PRKN: variants seen among roughly 807,000 people sequenced by gnomAD.
PRKN encodes parkin RBR E3 ubiquitin protein ligase.
PRKN carries 56 observed loss-of-function variants against 59.5 expected under a neutral mutation model. The observed-to-expected ratio is 0.94, with a 90% CI of 0.76 to 1.18. The LOEUF is 1.18. Ranked by LOEUF, PRKN falls within the 50% of genes most tolerant of loss-of-function variation. The pLI, the probability that PRKN is intolerant of heterozygous loss-of-function variation, is 0.00. For synonymous variants in PRKN, 250 were observed against 222.1 expected, an observed-to-expected ratio of 1.13 and a Z score of -1.12; for missense variants, 657 against 596.4, an observed-to-expected ratio of 1.10 and a Z score of -1.06.
At position 162,247,579 on chromosome 6, in the gene PRKN, T is replaced by G. The variant is rs189155896; in HGVS notation, c.412+14946A>C. On this transcript the variant is annotated intron_variant, in intron 3 of 11. Coordinates refer to ENST00000366898, the MANE Select transcript of PRKN (RefSeq NM_004562.3). ...TCATAAAACCTATATTTCCAATGCA[T>G]TAATGCAAAATTAAAAGTAGTCTTT... Among the ~76,000 whole-genome samples, 752 of 152,310 alleles carry G rather than the reference T, an allele frequency of 4.9e-3. 4 individuals are homozygous for G. Among genetic ancestry groups the G allele is most frequent in the African/African-American group, 0.016 (674 of 41,586 alleles).
At chr6:162,090,353 A>G (rs1179098148) in intron 4 of PRKN, among the ~76,000 whole-genome samples, 4 of 152,188 alleles carry the variant, frequency 2.6e-5, no homozygotes, top group Admixed American at 6.6e-5. Context: ...TTCTGTTTAC[A>G]TTTTATTTTA....
At chr6:162,520,441 T>A (rs1778040039) in intron 1 of PRKN, among the ~76,000 whole-genome samples, 1 of 152,144 alleles carries the variant, frequency 6.6e-6, no homozygotes, top group Non-Finnish European at 1.5e-5. Context: ...AGATCTCCCC[T>A]CCCAACTCCT....
intron 6 of PRKN, among the ~76,000 whole-genome samples, chr6:161,838,843 C>A (rs1792867069): frequency 1.3e-5 from 2 of 152,192 alleles, no homozygotes; most frequent in Admixed American, 6.5e-5. Flanking sequence ...TTGACAAGAG[C>A]AAGGACCGAG....
intron 7 of PRKN, among the ~76,000 whole-genome samples, chr6:161,752,836 C>T (rs1788752973): frequency 6.6e-6 from 1 of 152,088 alleles, no homozygotes; most frequent in Admixed American, 6.6e-5. Context: ...AGTGGTGGCC[C>T]AAAGACAGAG....
intron 2 of PRKN, among the ~76,000 whole-genome samples, chr6:162,403,973 C>A (rs1383756993): frequency 6.6e-6 from 1 of 152,114 alleles, no homozygotes; most frequent in Non-Finnish European, 1.5e-5. Flanking sequence ...TTAAACCGAA[C>A]CATTCACTTC....
intron 1 of PRKN, among the ~76,000 whole-genome samples, chr6:162,634,657 G>A (rs1354492408): frequency 6.6e-6 from 1 of 152,162 alleles, no homozygotes; most frequent in Non-Finnish European, 1.5e-5. Flanking sequence ...ACGGAGTCTC[G>A]CTCTGTCACC....
At chr6:162,232,031 C>T (rs1001467029) in intron 3 of PRKN, among the ~76,000 whole-genome samples, 3 of 152,100 alleles carry the variant, frequency 2.0e-5, no homozygotes, top group African/African-American at 4.8e-5. Context: ...CCCTTAACCT[C>T]TCAGGGAGGT....
chr6:162,400,137 G>A (rs1237483423), intron 2 of PRKN, among the ~76,000 whole-genome samples: 2 of 151,958 alleles, frequency 1.3e-5, no homozygotes, highest in East Asian at 1.9e-4. Context: ...AACCTGGGAG[G>A]TGGAAGTTGC....
intron 5 of PRKN, among the ~76,000 whole-genome samples, chr6:162,013,128 T>C (rs531390094): frequency 9.9e-5 from 15 of 152,168 alleles, no homozygotes; most frequent in Non-Finnish European, 1.8e-4. Context: ...TCCTTCTACA[T>C]GTGGAATTTT....
At chr6:162,686,676 T>TTTAC (rs1379578896) in intron 1 of PRKN, among the ~76,000 whole-genome samples, 1 of 152,110 alleles carries the variant, frequency 6.6e-6, no homozygotes, top group Non-Finnish European at 1.5e-5. Context: ...CTTTGGGAAG[T>TTTAC]CAAGCTGGGT....
chr6:161,991,766 C>T (rs532973493), intron 5 of PRKN, among the ~76,000 whole-genome samples: 22 of 152,056 alleles, frequency 1.4e-4, no homozygotes, highest in African/African-American at 4.8e-4. Flanking sequence ...TTGCTTGAAC[C>T]CAGGAGGTGG....
intron 9 of PRKN, among the ~76,000 whole-genome samples, chr6:161,392,853 T>C (rs1786576164): frequency 6.6e-6 from 1 of 152,170 alleles, no homozygotes; most frequent in Non-Finnish European, 1.5e-5. Context: ...TTCTTAACAT[T>C]GAAGTCATAT....
chr6:161,558,149 C>T (rs1193234765), intron 8 of PRKN, among the ~76,000 whole-genome samples: 3 of 152,188 alleles, frequency 2.0e-5, no homozygotes, highest in African/African-American at 7.2e-5. Flanking sequence ...GAAGTGCCAT[C>T]TTTTGCTGAC....
intron 2 of PRKN, among the ~76,000 whole-genome samples, chr6:162,435,357 TTTC>T (rs1789720311): frequency 6.6e-6 from 1 of 152,196 alleles, no homozygotes; most frequent in Non-Finnish European, 1.5e-5. Context: ...GCTTTTTTTT[TTTC>T]TTCAAGTCTA....
intron 1 of PRKN, among the ~76,000 whole-genome samples, chr6:162,520,071 G>A (rs914490485): frequency 6.6e-6 from 1 of 152,066 alleles, no homozygotes; most frequent in East Asian, 1.9e-4. Flanking sequence ...ACAACATAGT[G>A]AGACCCTCAT....
chr6:161,927,302 C>G (rs547004696), intron 6 of PRKN, among the ~76,000 whole-genome samples: 2 of 152,080 alleles, frequency 1.3e-5, no homozygotes, highest in African/African-American at 4.8e-5. Context: ...TAATCAAAAC[C>G]GTGAATACAT....
chr6:162,681,616 C>T (rs1779770475), intron 1 of PRKN, among the ~76,000 whole-genome samples: 1 of 152,098 alleles, frequency 6.6e-6, no homozygotes, highest in South Asian at 2.1e-4. Flanking sequence ...GATTGTGGGC[C>T]AAGCCTTCAT....
At chr6:162,378,701 CAAG>C (rs1786262806) in intron 2 of PRKN, among the ~76,000 whole-genome samples, 1 of 152,184 alleles carries the variant, frequency 6.6e-6, no homozygotes, top group African/African-American at 2.4e-5. Context: ...AACTTTATTA[CAAG>C]AAGAAACAGA....
At chr6:162,323,539 A>C (rs959489998) in intron 2 of PRKN, among the ~76,000 whole-genome samples, 2 of 152,082 alleles carry the variant, frequency 1.3e-5, no homozygotes, top group African/African-American at 4.8e-5. Flanking sequence ...TATATATAAA[A>C]ATTTTCAAAC....
Sources: gnomAD v4.1 joint callset for allele counts (sites outside exome capture counted in the v4.1 genomes callset) on GRCh38, gnomAD v4.1.1 for gene constraint, MANE v1.5 for transcripts, NCBI Gene and HGNC (gene_info 2026-07-23, HGNC 2026-07-21) for gene names.